ADGRB3: variants seen among roughly 807,000 people sequenced by gnomAD.
The protein encoded by ADGRB3 is adhesion G protein-coupled receptor B3.
ADGRB3 carries 37 observed loss-of-function variants against 193.4 expected under a neutral mutation model. That is an observed-to-expected ratio of 0.19 (90% CI 0.15 to 0.25). ADGRB3 has a LOEUF of 0.25. ADGRB3 is among the 10% of genes least tolerant of loss of function. The probability of loss-of-function intolerance (pLI) is 1.00; values close to 1 mark genes in which losing one functional copy is unlikely to be tolerated. For missense variants in ADGRB3, 1,637 were observed against 1,852.9 expected (o/e 0.88, Z 2.14); for synonymous variants, 690 against 644.2 (o/e 1.07, Z -1.08).
intron 3 of ADGRB3, among the ~76,000 whole-genome samples, chr6:68,894,163 G>T (rs186101559): frequency 7.9e-4 from 120 of 151,934 alleles, no homozygotes; most frequent in African/African-American, 2.4e-3. Flanking sequence ...AAGCATAGTT[G>T]TTCCATGACC....
intron 8 of ADGRB3, among the ~76,000 whole-genome samples, chr6:68,972,390 G>A (rs1233306609): frequency 2.0e-5 from 3 of 151,650 alleles, no homozygotes; most frequent in Non-Finnish European, 1.5e-5. Flanking sequence ...GTGCTTTGAT[G>A]GAGCCAGGAG....
intron 17 of ADGRB3, among the ~76,000 whole-genome samples, chr6:69,208,381 C>T (rs1238585250): frequency 1.3e-5 from 2 of 152,234 alleles, no homozygotes; most frequent in African/African-American, 2.4e-5. Flanking sequence ...AATCATGCTT[C>T]TTCCAAGTCC....
intron 16 of ADGRB3, among the ~76,000 whole-genome samples, chr6:69,070,057 A>C (rs976391497): frequency 1.8e-4 from 27 of 152,202 alleles, no homozygotes; most frequent in African/African-American, 6.3e-4. Context: ...ATGTGACAGA[A>C]AAATTCATTC....
intron 20 of ADGRB3, among the ~76,000 whole-genome samples, chr6:69,318,160 C>T (rs1554195412): frequency 1.3e-5 from 2 of 151,012 alleles, no homozygotes; most frequent in African/African-American, 4.9e-5. Context: ...TTTTTCATGA[C>T]TGATGGACAT....
At chr6:69,230,182 A>G (rs1002032591) in intron 17 of ADGRB3, among the ~76,000 whole-genome samples, 3 of 152,234 alleles carry the variant, frequency 2.0e-5, no homozygotes. Flanking sequence ...AGTATGATGT[A>G]CATGCCTGCA....
intron 3 of ADGRB3, among the ~76,000 whole-genome samples, chr6:68,679,332 T>C (rs1485808909): frequency 6.6e-6 from 1 of 152,142 alleles, no homozygotes; most frequent in Non-Finnish European, 1.5e-5. Context: ...AGGATTCAGA[T>C]TTCTTCCTTG....
At chr6:68,645,400 T>C (rs1768185757) in intron 3 of ADGRB3, among the ~76,000 whole-genome samples, 1 of 152,162 alleles carries the variant, frequency 6.6e-6, no homozygotes, top group Admixed American at 6.5e-5. Context: ...TCAGTGCCTG[T>C]GGAAATTTCT....
intron 3 of ADGRB3, among the ~76,000 whole-genome samples, chr6:68,759,415 T>C (rs1422522396): frequency 6.6e-6 from 1 of 152,114 alleles, no homozygotes; most frequent in Non-Finnish European, 1.5e-5. Flanking sequence ...GAAAGATTAT[T>C]TTACATATAT....
intron 17 of ADGRB3, chr6:69,232,296 C>A: frequency 1.4e-6 from 1 of 723,232 alleles, no homozygotes; most frequent in South Asian, 3.4e-5. Flanking sequence ...TTCTCTCTTC[C>A]TGTAGTGTAG....
At chr6:68,902,707 T>C (rs977357357) in intron 3 of ADGRB3, among the ~76,000 whole-genome samples, 1 of 152,042 alleles carries the variant, frequency 6.6e-6, no homozygotes, top group Non-Finnish European at 1.5e-5. Context: ...TAACCACATA[T>C]AATCATGTGA....
At chr6:68,700,317 A>AT (rs935488312) in intron 3 of ADGRB3, among the ~76,000 whole-genome samples, 1 of 151,684 alleles carries the variant, frequency 6.6e-6, no homozygotes, top group Non-Finnish European at 1.5e-5. Flanking sequence ...CAAACATTAC[A>AT]TTTTTTTTCC....
At chr6:68,915,285 C>A (rs1354110864) in intron 3 of ADGRB3, among the ~76,000 whole-genome samples, 1 of 58,992 alleles carries the variant, frequency 1.7e-5, no homozygotes, top group Non-Finnish European at 4.1e-5. Flanking sequence ...ATAATAGGAC[C>A]TAACTCATCC....
intron 26 of ADGRB3, among the ~76,000 whole-genome samples, chr6:69,343,149 T>G (rs9294828): frequency 6.8e-6 from 1 of 146,154 alleles, no homozygotes; most frequent in East Asian, 1.9e-4. Flanking sequence ...TTATTTTTTT[T>G]ATTTTTTTTT....
rs150146144 is a variant in ADGRB3 at position 69,077,088 on chromosome 6, A to G, written c.2480+1050A>G. Reference sequence around the variant, plus strand: ...TGCTATAGGTTCTCATACTCTGGGTATCCTTTACTACTAGTCCAGTACAAT... The same window carrying G: ...TGCTATAGGTTCTCATACTCTGGGTGTCCTTTACTACTAGTCCAGTACAAT... On this transcript the variant is annotated intron_variant, in intron 17 of 31. Coordinates refer to ENST00000370598, the MANE Select transcript of ADGRB3 (RefSeq NM_001704.3). Among the ~76,000 whole-genome samples, 4 of 152,164 alleles carry G rather than the reference A, an allele frequency of 2.6e-5. No individual in the cohort carries two copies. The East Asian group carries it at 7.7e-4, about 29-fold the overall frequency.
intron 3 of ADGRB3, among the ~76,000 whole-genome samples, chr6:68,829,738 A>T (rs1341856410): frequency 6.6e-6 from 1 of 152,214 alleles, no homozygotes; most frequent in Non-Finnish European, 1.5e-5. Flanking sequence ...TTGAAGCATA[A>T]TTAAAACTGT....
chr6:69,292,117 A>G (rs1438964530), intron 20 of ADGRB3, among the ~76,000 whole-genome samples: 1 of 152,172 alleles, frequency 6.6e-6, no homozygotes, highest in African/African-American at 2.4e-5. Flanking sequence ...AGGTTTAACT[A>G]TTTCTTTACA....
At chr6:68,958,831 A>C (rs1342682309) in intron 8 of ADGRB3, among the ~76,000 whole-genome samples, 1 of 151,878 alleles carries the variant, frequency 6.6e-6, no homozygotes, top group Non-Finnish European at 1.5e-5. Context: ...TCAGCTAAAT[A>C]ATTTAAACAT....
intron 3 of ADGRB3, among the ~76,000 whole-genome samples, chr6:68,814,955 C>T (rs968792046): frequency 6.6e-6 from 1 of 152,134 alleles, no homozygotes; most frequent in Non-Finnish European, 1.5e-5. Context: ...GCTAAAAACT[C>T]TCAATAAATT....
At chr6:69,085,127 A>G (rs1018197675) in intron 17 of ADGRB3, among the ~76,000 whole-genome samples, 9 of 152,156 alleles carry the variant, frequency 5.9e-5, no homozygotes, top group African/African-American at 1.9e-4. Context: ...GAAGATTCCT[A>G]CGTGTCATAG....
Sources: gnomAD v4.1 joint callset for allele counts (sites outside exome capture counted in the v4.1 genomes callset) on GRCh38, gnomAD v4.1.1 for gene constraint, MANE v1.5 for transcripts, NCBI Gene and HGNC (gene_info 2026-07-23, HGNC 2026-07-21) for gene names.